Variants in SLC18A2 observed in about 807,000 individuals in gnomAD.
SLC18A2 encodes solute carrier family 18 member A2, also known as synaptic vesicular amine transporter.
In SLC18A2, 33 loss-of-function variants were observed where a neutral mutation model predicts 59.2. That is an observed-to-expected ratio of 0.56 (90% CI 0.42 to 0.75). The LOEUF is 0.75. Among genes scored for constraint, SLC18A2 ranks in the 30% least tolerant of loss-of-function variants. The probability of loss-of-function intolerance (pLI) is 0.00; values close to 1 mark genes in which losing one functional copy is unlikely to be tolerated. For synonymous variants in SLC18A2, 228 were observed against 253.5 expected (o/e 0.90, Z 0.95); for missense variants, 569 against 668.6 (o/e 0.85, Z 1.64).
At chr10:117,275,583 C>A (rs898603295) in intron 15 of SLC18A2, among the ~76,000 whole-genome samples, 1 of 152,172 alleles carries the variant, frequency 6.6e-6, no homozygotes, top group African/African-American at 2.4e-5. Context: ...GTGCTGCAGG[C>A]GGCTCCTGTC....
chr10:117,267,952 A>G, intron 13 of SLC18A2: 1 of 448,324 alleles, frequency 2.2e-6, no homozygotes. Context: ...AGTATTTTTT[A>G]AAAGCTGATA....
Position 117,253,465 on chromosome 10 carries a change from T to C in SLC18A2, c.523+8T>C, listed in dbSNP as rs936210559. ...TGTTTGTCTCAACAATTAGTAAGTG[T>C]GTGGTGTTTTCCTTCTGAGTGTGGG... On this transcript the variant is annotated splice_region_variant and intron_variant, in intron 4 of 15. Transcript: ENST00000644641. 21 of 1,608,772 alleles carry C rather than the reference T, an allele frequency of 1.3e-5. No individual in the cohort carries two copies. The highest frequency in any genetic ancestry group is 1.8e-5 in the Non-Finnish European group (21 of 1,176,038).
chr10:117,258,761 C>T (rs1445033978), intron 10 of SLC18A2, among the ~76,000 whole-genome samples: 4 of 129,102 alleles, frequency 3.1e-5, no homozygotes, highest in African/African-American at 5.8e-5. Flanking sequence ...TGTACACCCC[C>T]GACTCTTTTT....
intron 15 of SLC18A2, 81 bp downstream of exon 15, chr10:117,270,544 C>A: frequency 6.7e-7 from 1 of 1,501,322 alleles, no homozygotes; most frequent in Non-Finnish European, 9.1e-7. Context: ...TGGTTTCATT[C>A]TAAAGCCTTC....
In SLC18A2 at chr10:117,267,021, G is replaced by C; in HGVS notation, c.1108G>C (p.Val370Leu). 1 of 1,613,394 alleles carries C rather than the reference G, an allele frequency of 6.2e-7. No individual in the cohort carries two copies. Among genetic ancestry groups the C allele is most frequent in the South Asian group, 1.1e-5 (1 of 90,736 alleles). The change falls in exon 12 of 16, where the codon GTC (valine) becomes CTC (leucine). Residue 370 changes from valine to leucine, a missense_variant. Around this residue, in one of 2 missense-constraint regions of SLC18A2, gnomAD observed 192 missense variants for 278.8 expected, o/e 0.69. Coordinates refer to ENST00000644641, the MANE Select transcript of SLC18A2 (RefSeq NM_003054.6). ...TCTTCTGGGAATGATAATTGTTGGA[G>C]TCAGCATTTTATGTGTGAGTAAAAG... ...CALLGMIIVGVSILCIPFAKN... is the reference protein window; with the variant it reads ...CALLGMIIVGLSILCIPFAKN...
At chr10:117,241,622 C>T (rs891916566) in intron 1 of SLC18A2, 57 bp from the exon 2 acceptor site, 15 of 1,474,430 alleles carry the variant, frequency 1.0e-5, no homozygotes, top group Admixed American at 2.3e-5. Context: ...GCCTGGGGGA[C>T]GGGAGAATGG....
At chr10:117,246,905 C>T (rs909513312) in intron 3 of SLC18A2, among the ~76,000 whole-genome samples, 8 of 152,178 alleles carry the variant, frequency 5.3e-5, no homozygotes, top group African/African-American at 1.4e-4. Context: ...CTGCCCACCT[C>T]GGCCTCCCAA....
At position 117,267,039 on chromosome 10, in the gene SLC18A2, AG is replaced by A; in HGVS notation, c.1122+5del. On this transcript the variant is annotated splice_donor_5th_base_variant and intron_variant, in intron 12 of 15. Transcript: ENST00000644641. ...TGTTGGAGTCAGCATTTTATGTGTG[AG>A]TAAAAGATGGCATTTGACAAGTGGG... 3 of 1,611,122 alleles carry A rather than the reference AG, an allele frequency of 1.9e-6. No homozygotes were observed. The highest frequency in any genetic ancestry group is 2.5e-6 in the Non-Finnish European group (3 of 1,178,208).
intron 15 of SLC18A2, among the ~76,000 whole-genome samples, chr10:117,274,299 G>A (rs941582741): frequency 8.5e-5 from 13 of 152,114 alleles, no homozygotes; most frequent in African/African-American, 2.2e-4. Context: ...ATATGTTTTT[G>A]GTGAATTGAC....
At chr10:117,241,627 G>T in intron 1 of SLC18A2, 52 bp from the exon 2 acceptor site, 1 of 1,490,274 alleles carries the variant, frequency 6.7e-7, no homozygotes, top group South Asian at 1.3e-5. Context: ...GGGGACGGGA[G>T]AATGGGGGGT....
chr10:117,275,591 G>A (rs537252338), intron 15 of SLC18A2, among the ~76,000 whole-genome samples: 13 of 152,168 alleles, frequency 8.5e-5, no homozygotes, highest in Non-Finnish European at 1.8e-4. Flanking sequence ...GGCGGCTCCT[G>A]TCTGCCCCAT....
intron 10 of SLC18A2, among the ~76,000 whole-genome samples, chr10:117,264,352 T>G (rs1844325581): frequency 6.6e-6 from 1 of 152,230 alleles, no homozygotes; most frequent in Non-Finnish European, 1.5e-5. Context: ...GGCTCATGCC[T>G]GTAATCCTAG....
At position 117,269,501 on chromosome 10, in the gene SLC18A2, A is replaced by G. The variant is rs115564578; in HGVS notation, c.1187-570A>G. 2.0e-4 allele frequency among the ~76,000 whole-genome samples: 30 copies of G among 152,292 alleles called. No individual in the cohort carries two copies. Among genetic ancestry groups the G allele is most frequent in the African/African-American group, 7.0e-4 (29 of 41,568 alleles). On this transcript the variant is annotated intron_variant, in intron 13 of 15. Coordinates refer to ENST00000644641, the MANE Select transcript of SLC18A2 (RefSeq NM_003054.6). This position sits in a 1 kb window ranked among gnomAD's most constrained non-coding sequence, Gnocchi z 5.1. Reference sequence around the variant, plus strand: ...TTGAATAGTGGGGAGCAGGTAGCATAAAGATGGTGTGTGTTCAGAGTTCCT... The same window carrying G: ...TTGAATAGTGGGGAGCAGGTAGCATGAAGATGGTGTGTGTTCAGAGTTCCT...
chr10:117,265,444 T>A (rs1394306836), intron 10 of SLC18A2, among the ~76,000 whole-genome samples: 1 of 152,138 alleles, frequency 6.6e-6, no homozygotes, highest in East Asian at 1.9e-4. Context: ...TATGCAGTCC[T>A]CTGATTGAGA....
In SLC18A2 at chr10:117,279,049, G is replaced by A. The variant is rs1844540889; in HGVS notation, c.*1783G>A. The stretch of plus-strand genomic sequence containing the variant: ...TTTATTTTTGCCTTTACGGCTCTGT[G>A]TCTTTCTGCAAGAAGGCCTGGCAAA... On this transcript the variant is annotated 3_prime_UTR_variant, in exon 16 of 16. Coordinates refer to ENST00000644641, the MANE Select transcript of SLC18A2 (RefSeq NM_003054.6). The A allele has an allele frequency of 6.6e-6, 1 of 152,192 alleles. No homozygotes were observed. Among genetic ancestry groups the A allele is most frequent in the Non-Finnish European group, 1.5e-5 (1 of 68,036 alleles). The allele number at this position is 152,192 out of a possible 1,614,324, so 9.4% of individuals were successfully genotyped here. A position where few individuals can be genotyped will look rare whatever the true frequency, so the allele number is the denominator to read the frequency against.
At chr10:117,277,094 A>G (rs1844507442) in intron 15 of SLC18A2, 68 bp from the exon 16 acceptor site, 12 of 882,584 alleles carry the variant, frequency 1.4e-5, no homozygotes, top group Non-Finnish European at 2.2e-5. Context: ...CCTTAAAAAC[A>G]GTAGGTTAAA....
In SLC18A2 at chr10:117,255,472, T is replaced by G; in HGVS notation, c.791-7T>G. ...AGGGGCTTGTCTTTTTTATTTTTAT[T>G]TTTTAGCTATTCAGCTCTTTGTGCT... On this transcript the variant is annotated splice_polypyrimidine_tract_variant and splice_region_variant and intron_variant, in intron 7 of 15. Coordinates refer to ENST00000644641, the MANE Select transcript of SLC18A2 (RefSeq NM_003054.6). 6.2e-7 allele frequency: 1 copy of G among 1,614,100 alleles called. No homozygotes were observed. Among genetic ancestry groups the G allele is most frequent in the Non-Finnish European group, 8.5e-7 (1 of 1,180,028 alleles).
chr10:117,273,375 A>C (rs113884514), intron 15 of SLC18A2, among the ~76,000 whole-genome samples: 1 of 151,768 alleles, frequency 6.6e-6, no homozygotes, highest in Non-Finnish European at 1.5e-5. Context: ...TGTGTTGCGG[A>C]TTTTTTTTTC....
At chr10:117,266,591 G>A (rs895811087) in intron 10 of SLC18A2, 142 bp from the exon 11 acceptor site, 14 of 666,562 alleles carry the variant, frequency 2.1e-5, no homozygotes, top group African/African-American at 9.1e-5. Context: ...TCCGGCAGGC[G>A]CCGGATATTA....
Sources: gnomAD v4.1 joint callset for allele counts (sites outside exome capture counted in the v4.1 genomes callset) on GRCh38, gnomAD v4.1.1 for gene constraint, gnomAD v4.1.1 regional missense constraint, Gnocchi (gnomAD v3.1) non-coding constraint, MANE v1.5 for transcripts, NCBI Gene and HGNC (gene_info 2026-07-23, HGNC 2026-07-21) for gene names.